BABAM2: variants seen among roughly 807,000 people sequenced by gnomAD.
BABAM2 encodes BRISC and BRCA1 A complex member 2.
Under a neutral mutation model 54.7 loss-of-function variants are expected in BABAM2, and 31 were observed. The ratio of observed to expected loss-of-function variants is 0.57; its 90% CI spans 0.43 to 0.77. The LOEUF (loss-of-function observed/expected upper bound fraction) is 0.77. Among genes scored for constraint, BABAM2 ranks in the 30% least tolerant of loss-of-function variants. The probability of loss-of-function intolerance (pLI) is 0.00; values close to 1 mark genes in which losing one functional copy is unlikely to be tolerated. For synonymous variants in BABAM2, 167 were observed against 162.9 expected (o/e 1.03, Z -0.19); for missense variants, 364 against 455.8 (o/e 0.80, Z 1.83).
At chr2:27,935,345 G>A (rs1267885812) in intron 3 of BABAM2, among the ~76,000 whole-genome samples, 2 of 152,182 alleles carry the variant, frequency 1.3e-5, no homozygotes, top group East Asian at 3.9e-4. Flanking sequence ...ATTGCTCATT[G>A]ACAGTGCACT....
At chr2:28,076,269 T>C (rs1287593493) in intron 6 of BABAM2, among the ~76,000 whole-genome samples, 2 of 151,928 alleles carry the variant, frequency 1.3e-5, no homozygotes. Context: ...GCAAAACCCT[T>C]TCTCAAAAAG....
intron 2 of BABAM2, among the ~76,000 whole-genome samples, chr2:27,902,999 C>T (rs1479909405): frequency 2.0e-5 from 3 of 151,664 alleles, no homozygotes; most frequent in Non-Finnish European, 4.4e-5. Flanking sequence ...TCTTTCTTTA[C>T]GAATTTTAAA....
At chr2:27,922,345 A>C (rs898357951) in intron 2 of BABAM2, among the ~76,000 whole-genome samples, 3 of 152,234 alleles carry the variant, frequency 2.0e-5, no homozygotes, top group Admixed American at 2.0e-4. Flanking sequence ...CAAGGAGAAA[A>C]ATAGACAAAT....
At chr2:28,157,245 C>T (rs1672632172) in intron 7 of BABAM2, among the ~76,000 whole-genome samples, 1 of 152,128 alleles carries the variant, frequency 6.6e-6, no homozygotes. Context: ...GTCAGATTAC[C>T]AGTCCTGGAA....
intron 11 of BABAM2, chr2:28,327,212 C>G: frequency 6.5e-7 from 1 of 1,529,704 alleles, no homozygotes; most frequent in Middle Eastern, 2.4e-4. Context: ...ACTACCCTGT[C>G]CCTCCCTCCA....
chr2:28,244,959 G>T, intron 10 of BABAM2, 97 bp downstream of exon 10: 2 of 1,020,374 alleles, frequency 2.0e-6, no homozygotes, highest in Non-Finnish European at 1.5e-6. Context: ...GTCCTGTCTC[G>T]GTTCCTTTTA....
intron 4 of BABAM2, among the ~76,000 whole-genome samples, chr2:28,015,345 A>G (rs189267722): frequency 6.6e-6 from 1 of 152,342 alleles, no homozygotes; most frequent in Admixed American, 6.5e-5. Flanking sequence ...GTTTTGAAAT[A>G]TTAATTTAAT....
At chr2:27,890,140 C>A, upstream of BABAM2, 2 of 882,468 alleles carry the variant, frequency 2.3e-6, no homozygotes, top group Non-Finnish European at 3.5e-6. The surrounding 1 kb of genome is among the most constrained non-coding windows in gnomAD (Gnocchi z 4.8). Context: ...CAGCTCATAC[C>A]CAAAGCTAGC....
At chr2:27,922,455 C>T (rs1558588890) in intron 2 of BABAM2, among the ~76,000 whole-genome samples, 2 of 152,200 alleles carry the variant, frequency 1.3e-5, no homozygotes, top group East Asian at 3.8e-4. Context: ...CAATGATTAA[C>T]TGCCATTTCT....
intron 7 of BABAM2, among the ~76,000 whole-genome samples, chr2:28,224,849 G>GAAAAAAA (rs1406843262): frequency 9.9e-5 from 6 of 60,372 alleles, no homozygotes; most frequent in African/African-American, 2.3e-4. Flanking sequence ...ACGGTAAATT[G>GAAAAAAA]ACAAAAAAAA....
At chr2:28,122,826 T>G (rs1190635581) in intron 6 of BABAM2, among the ~76,000 whole-genome samples, 1 of 151,346 alleles carries the variant, frequency 6.6e-6, no homozygotes, top group South Asian at 2.1e-4. Flanking sequence ...GAGCCTCAAT[T>G]GAGAATAGTT....
At chr2:28,326,273 C>T (rs958829868) in intron 11 of BABAM2, among the ~76,000 whole-genome samples, 1 of 152,208 alleles carries the variant, frequency 6.6e-6, no homozygotes, top group Admixed American at 6.5e-5. Context: ...CTGTGGTGAG[C>T]TCCCTGCACC....
chr2:27,942,531 T>C lies in BABAM2; in HGVS notation c.205+12623T>C, dbSNP rs557463680. On this transcript the variant is annotated intron_variant, in intron 3 of 11. Coordinates refer to ENST00000379624, the MANE Select transcript of BABAM2 (RefSeq NM_199191.3). ...GCACACCACCACACCCGCTAATTTT[T>C]GCATTTTTTTTTTTTTTTGTAGGGA... 1.7e-4 allele frequency among the ~76,000 whole-genome samples: 25 copies of C among 149,024 alleles called. No individual in the cohort carries two copies. The East Asian group carries it at 4.1e-3, about 25-fold the overall frequency.
At chr2:28,086,515 GA>G (rs1213083502) in intron 6 of BABAM2, among the ~76,000 whole-genome samples, 1 of 152,160 alleles carries the variant, frequency 6.6e-6, no homozygotes, top group African/African-American at 2.4e-5. Flanking sequence ...TTTGAGGGCT[GA>G]AAAAAGTTTT....
chr2:28,299,970 G>C (rs1687981614), intron 11 of BABAM2, among the ~76,000 whole-genome samples: 1 of 151,954 alleles, frequency 6.6e-6, no homozygotes, highest in African/African-American at 2.4e-5. Context: ...ACAGAATCTT[G>C]CTCTGTTGCC....
intron 5 of BABAM2, among the ~76,000 whole-genome samples, chr2:28,029,232 T>C (rs1460114317): frequency 6.6e-6 from 1 of 152,226 alleles, no homozygotes. Flanking sequence ...AAAAGACACA[T>C]AACACTACAT....
intron 11 of BABAM2, among the ~76,000 whole-genome samples, chr2:28,310,925 C>T (rs886688666): frequency 6.6e-6 from 1 of 151,402 alleles, no homozygotes; most frequent in Admixed American, 6.6e-5. Flanking sequence ...GGAAGGTCAG[C>T]ACATCTTTGT....
At chr2:28,310,294 C>A in intron 11 of BABAM2, 2 of 825,288 alleles carry the variant, frequency 2.4e-6, no homozygotes, top group Non-Finnish European at 3.8e-6. Context: ...TCAGCCTGTG[C>A]AGACCAGGCT....
intron 10 of BABAM2, among the ~76,000 whole-genome samples, chr2:28,268,254 T>A (rs1685149414): frequency 6.6e-6 from 1 of 152,214 alleles, no homozygotes; most frequent in Non-Finnish European, 1.5e-5. Flanking sequence ...AGAGGATACG[T>A]TGAGCCTAGA....
Sources: allele counts gnomAD v4.1 joint callset (sites outside exome capture counted in the v4.1 genomes callset), GRCh38; gene constraint gnomAD v4.1.1; non-coding constraint Gnocchi (gnomAD v3.1); transcripts MANE v1.5; gene names NCBI Gene and HGNC (gene_info 2026-07-23, HGNC 2026-07-21).